The following HIVEP3 variants were observed in gnomAD, a reference collection of about 807,000 sequenced individuals.
The protein encoded by HIVEP3 is HIVEP zinc finger 3.
HIVEP3 carries 49 observed loss-of-function variants against 152.8 expected under a neutral mutation model. The ratio of observed to expected loss-of-function variants is 0.32; its 90% confidence interval spans 0.26 to 0.41. HIVEP3 has a LOEUF of 0.41. Ranked by LOEUF, HIVEP3 falls within the 10% of genes least tolerant of loss-of-function variation. The pLI is 1.00. For missense variants in HIVEP3, 2,790 were observed against 3,103.3 expected (o/e 0.90, Z 2.40); for synonymous variants, 1,269 against 1,289.0 (o/e 0.98, Z 0.33).
chr1:41,708,305 G>A (rs768501721), intron 1 of HIVEP3, among the ~76,000 whole-genome samples: 5 of 152,176 alleles, frequency 3.3e-5, no homozygotes, highest in Admixed American at 6.5e-5. Context: ...ATGTGCTACC[G>A]TGGTGGGCAT....
intron 1 of HIVEP3, among the ~76,000 whole-genome samples, chr1:41,983,157 A>G (rs1346439334): frequency 2.0e-5 from 3 of 152,240 alleles, no homozygotes; most frequent in Non-Finnish European, 4.4e-5. Flanking sequence ...CCCACCTCAC[A>G]GGCTGTGCAG....
At chr1:41,639,584 C>T (rs1243403374) in intron 2 of HIVEP3, among the ~76,000 whole-genome samples, 2 of 152,140 alleles carry the variant, frequency 1.3e-5, no homozygotes, top group Non-Finnish European at 2.9e-5. Context: ...AGTCTCTCTC[C>T]CTCTGTCAAT....
chr1:41,989,556 G>A (rs895841862), intron 1 of HIVEP3, among the ~76,000 whole-genome samples: 10 of 152,136 alleles, frequency 6.6e-5, no homozygotes, highest in Admixed American at 6.6e-5. Context: ...GAGTTAAGAA[G>A]TTAATCAGGA....
At chr1:41,930,121 C>T (rs1194101671) in intron 1 of HIVEP3, among the ~76,000 whole-genome samples, 2 of 152,140 alleles carry the variant, frequency 1.3e-5, no homozygotes, top group Non-Finnish European at 2.9e-5. Flanking sequence ...TTCTGCATTA[C>T]ATCTTAGGTT....
chr1:41,820,551 C>T (rs1410828994), intron 1 of HIVEP3, among the ~76,000 whole-genome samples: 1 of 152,172 alleles, frequency 6.6e-6, no homozygotes, highest in African/African-American at 2.4e-5. Context: ...CTCTGTTCTC[C>T]AAGGATAATG....
At chr1:41,620,747 T>G (rs146051782) in intron 3 of HIVEP3, among the ~76,000 whole-genome samples, 1 of 152,170 alleles carries the variant, frequency 6.6e-6, no homozygotes, top group African/African-American at 2.4e-5. Context: ...ACCTCTAAAC[T>G]CCACTCTCCT....
At chr1:41,728,155 T>C (rs1387717106) in intron 1 of HIVEP3, among the ~76,000 whole-genome samples, 1 of 152,158 alleles carries the variant, frequency 6.6e-6, no homozygotes, top group Non-Finnish European at 1.5e-5. Context: ...TGCATGCAAC[T>C]CCAGTTCCTT....
At chr1:41,719,268 G>C (rs1025341679) in intron 1 of HIVEP3, among the ~76,000 whole-genome samples, 3 of 152,200 alleles carry the variant, frequency 2.0e-5, no homozygotes, top group African/African-American at 7.2e-5. Flanking sequence ...CAAGTACAAA[G>C]GCACAGAGGC....
intron 5 of HIVEP3, among the ~76,000 whole-genome samples, chr1:41,563,025 A>G (rs988902085): frequency 5.1e-4 from 78 of 152,166 alleles, no homozygotes; most frequent in Admixed American, 3.3e-4. Context: ...GATGTCAGGC[A>G]CAATGAGGGC....
At chr1:41,801,898 G>A (rs1375946080) in intron 1 of HIVEP3, among the ~76,000 whole-genome samples, 1 of 152,204 alleles carries the variant, frequency 6.6e-6, no homozygotes, top group Non-Finnish European at 1.5e-5. Flanking sequence ...AAGACAATGA[G>A]GGAATTGCAG....
intron 1 of HIVEP3, among the ~76,000 whole-genome samples, chr1:41,983,471 C>A (rs1645305346): frequency 6.6e-6 from 1 of 151,988 alleles, no homozygotes. Context: ...CATACACATG[C>A]ATAAATATAT....
At chr1:41,706,717 C>T (rs889695469) in intron 1 of HIVEP3, among the ~76,000 whole-genome samples, 1 of 152,218 alleles carries the variant, frequency 6.6e-6, no homozygotes, top group Non-Finnish European at 1.5e-5. Flanking sequence ...AAGTCAAACT[C>T]TCCTGGCCCA....
At chr1:41,991,404 T>C (rs1264413634) in intron 1 of HIVEP3, among the ~76,000 whole-genome samples, 1 of 151,288 alleles carries the variant, frequency 6.6e-6, no homozygotes, top group Admixed American at 6.6e-5. Context: ...CTAGAAGAAA[T>C]GGATAAATTC....
chr1:41,662,113 C>G lies in HIVEP3; in HGVS notation c.-720-33166G>C, dbSNP rs1645722597. 3 of 151,200 alleles carry G rather than the reference C, an allele frequency of 2.0e-5. No homozygotes were observed. The highest frequency in any genetic ancestry group is 2.0e-4 in the Admixed American group (3 of 15,150). The allele number at this position is 151,200 out of a possible 1,614,324, so 9.4% of individuals were successfully genotyped here. A position where few individuals can be genotyped will look rare whatever the true frequency, so the allele number is the denominator to read the frequency against. On this transcript the variant is annotated intron_variant, in intron 2 of 8. Coordinates refer to ENST00000372583, the MANE Select transcript of HIVEP3 (RefSeq NM_024503.5). The surrounding 1 kb of genome is among the most constrained non-coding windows in gnomAD (Gnocchi z 7.2). The stretch of plus-strand genomic sequence containing the variant: ...GCCAGGCCGCGGCGGGGGCGCGGCG[C>G]GCGGGGCGCTCGTTGCTTACCTGCG...
intron 1 of HIVEP3, among the ~76,000 whole-genome samples, chr1:41,707,155 A>G (rs180956255): frequency 6.6e-6 from 1 of 152,282 alleles, no homozygotes; most frequent in East Asian, 1.9e-4. Flanking sequence ...TGCCCCTTGA[A>G]GGGGTTCTGC....
intron 4 of HIVEP3, among the ~76,000 whole-genome samples, chr1:41,576,517 G>T (rs1367911057): frequency 1.3e-5 from 2 of 152,220 alleles, no homozygotes; most frequent in Admixed American, 6.5e-5. Context: ...CAGAAATGCT[G>T]TGCTTAGGGG....
At chr1:42,027,220 G>T (rs2124538704) in intron 1 of HIVEP3, among the ~76,000 whole-genome samples, 1 of 152,240 alleles carries the variant, frequency 6.6e-6, no homozygotes, top group East Asian at 1.9e-4. Context: ...TAATACATTG[G>T]CAAATTCTGT....
At chr1:41,863,514 C>T (rs983868309) in intron 1 of HIVEP3, among the ~76,000 whole-genome samples, 6 of 152,110 alleles carry the variant, frequency 3.9e-5, no homozygotes, top group African/African-American at 1.2e-4. Flanking sequence ...GGAGTGGGGA[C>T]CAGACCTTCA....
At chr1:41,948,321 T>C (rs555840046) in intron 1 of HIVEP3, among the ~76,000 whole-genome samples, 1 of 152,298 alleles carries the variant, frequency 6.6e-6, no homozygotes, top group East Asian at 1.9e-4. Flanking sequence ...ATATACAGAC[T>C]GTAAGTATGC....
Sources: allele counts gnomAD v4.1 joint callset (sites outside exome capture counted in the v4.1 genomes callset), GRCh38; gene constraint gnomAD v4.1.1; non-coding constraint Gnocchi (gnomAD v3.1); transcripts MANE v1.5; gene names NCBI Gene and HGNC (gene_info 2026-07-23, HGNC 2026-07-21).